The following TMEM40 variants were observed in gnomAD, a reference collection of about 807,000 sequenced individuals.
The protein encoded by TMEM40 is transmembrane protein 40.
Under a neutral mutation model 40.8 loss-of-function variants are expected in TMEM40, and 34 were observed. That is an observed-to-expected ratio of 0.83 (90% CI 0.63 to 1.11). The LOEUF is 1.11. Among genes scored for constraint, TMEM40 ranks in the 50% least tolerant of loss-of-function variants. The pLI is 0.00. For synonymous variants in TMEM40, 106 were observed against 107.0 expected, an observed-to-expected ratio of 0.99 and a Z score of 0.06; for missense variants, 296 against 280.2, an observed-to-expected ratio of 1.06 and a Z score of -0.40.
At chr3:12,762,298 C>T (rs908875684), upstream of TMEM40, among the ~76,000 whole-genome samples, 2 of 152,168 alleles carry the variant, frequency 1.3e-5, no homozygotes, top group African/African-American at 4.8e-5. Flanking sequence ...TTAGTGTCAC[C>T]TGCTTCGTTT....
chr3:12,736,463 A>G, intron 10 of TMEM40, 115 bp downstream of exon 10: 1 of 1,356,790 alleles, frequency 7.4e-7, no homozygotes, highest in Non-Finnish European at 1.0e-6. Context: ...AAATTTTTTT[A>G]AAAGTGTAGA....
intron 3 of TMEM40, among the ~76,000 whole-genome samples, chr3:12,745,009 A>G (rs2061415787): frequency 6.6e-6 from 1 of 152,218 alleles, no homozygotes; most frequent in African/African-American, 2.4e-5. Context: ...TTATTGCTAA[A>G]AAGATAATGC....
chr3:12,740,245 A>T (rs1438789621), intron 5 of TMEM40, among the ~76,000 whole-genome samples: 2 of 151,222 alleles, frequency 1.3e-5, no homozygotes, highest in Non-Finnish European at 2.9e-5. Context: ...GGGTGCCACC[A>T]CACCTGGCTA....
chr3:12,759,974 A>G (rs1176571653), upstream of TMEM40, among the ~76,000 whole-genome samples: 6 of 14,218 alleles, frequency 4.2e-4, no homozygotes, highest in African/African-American at 2.1e-3. Flanking sequence ...TTGGAGGGAA[A>G]CAGGCAAGGC....
At chr3:12,753,696 C>T (rs1382849565) in intron 1 of TMEM40, among the ~76,000 whole-genome samples, 1 of 152,122 alleles carries the variant, frequency 6.6e-6, no homozygotes, top group Non-Finnish European at 1.5e-5. Flanking sequence ...CTCAGGTGGC[C>T]CCCACATCCA....
upstream of TMEM40, among the ~76,000 whole-genome samples, chr3:12,763,288 TC>T (rs1228305263): frequency 6.6e-6 from 1 of 152,038 alleles, no homozygotes; most frequent in African/African-American, 2.4e-5. Context: ...AGCCTTAGTT[TC>T]CCTCTTTGCA....
intron 11 of TMEM40, among the ~76,000 whole-genome samples, 186 bp from the exon 12 acceptor site, chr3:12,734,979 G>A (rs2061327359): frequency 6.6e-6 from 1 of 152,202 alleles, no homozygotes. Context: ...TGGATTAAAG[G>A]AGACAGATAT....
upstream of TMEM40, among the ~76,000 whole-genome samples, chr3:12,763,580 T>C (rs2061582118): frequency 1.3e-5 from 2 of 152,140 alleles, no homozygotes; most frequent in African/African-American, 2.4e-5. Context: ...ATTCCAGAAC[T>C]GCAAGCGGGG....
intron 5 of TMEM40, among the ~76,000 whole-genome samples, chr3:12,742,207 G>A (rs1201204556): frequency 6.6e-6 from 1 of 152,144 alleles, no homozygotes; most frequent in Non-Finnish European, 1.5e-5. Flanking sequence ...TCCAGCCTGG[G>A]CGACAGAGTG....
intron 5 of TMEM40, chr3:12,738,919 C>T (rs2106607411): frequency 3.5e-6 from 1 of 289,456 alleles, no homozygotes; most frequent in Non-Finnish European, 6.8e-6. Flanking sequence ...CTTTGGGAGG[C>T]CAAGGTGGGC....
intron 1 of TMEM40, among the ~76,000 whole-genome samples, chr3:12,753,690 GGTGGCCC>G (rs1168139703): frequency 6.6e-6 from 1 of 152,196 alleles, no homozygotes; most frequent in African/African-American, 2.4e-5. Context: ...CACCAACTCA[GGTGGCCC>G]CCACATCCAA....
intron 11 of TMEM40, among the ~76,000 whole-genome samples, chr3:12,735,035 C>G (rs950578982): frequency 6.6e-6 from 1 of 152,190 alleles, no homozygotes; most frequent in Non-Finnish European, 1.5e-5. Flanking sequence ...CATTCTGAGG[C>G]ATAAGGTGGT....
intron 2 of TMEM40, among the ~76,000 whole-genome samples, chr3:12,749,094 G>A (rs1349054966): frequency 7.3e-5 from 11 of 151,640 alleles, no homozygotes; most frequent in African/African-American, 1.7e-4. Context: ...ACGCTATCTC[G>A]GCTCACTGCA....
At position 12,742,468 on chromosome 3, in the gene TMEM40, A is replaced by G. The variant is rs369888905; in HGVS notation, c.341T>C (p.Leu114Pro). The change falls in exon 5 of 12, where the codon CTT (leucine) becomes CCT (proline). Residue 114 changes from leucine to proline, a missense_variant. Physicochemically the swap from Leu to Pro is moderately conservative, Grantham distance 98. Coordinates refer to ENST00000314124, the MANE Select transcript of TMEM40 (RefSeq NM_018306.4). ...HGEPDVLKDE[L>P]QLYGDAPGEV... is the part of the protein sequence containing the mutation. ...CAACTGATTACCTCCATAGAGTTGA[A>G]GCTCATCCTTCAAAACGTCAGGCTC... is the stretch of plus-strand genomic sequence containing the variant. The G allele has an allele frequency of 1.1e-5, 18 of 1,613,932 alleles. No individual in the cohort carries two copies. The African/African-American group carries it at 2.3e-4, about 20-fold the overall frequency.
In TMEM40 at chr3:12,764,894, C is replaced by G. The variant is rs543375594; in HGVS notation, c.-9+4357G>C. 2.1e-4 allele frequency among the ~76,000 whole-genome samples: 32 copies of G among 152,014 alleles called. No homozygotes were observed. The East Asian group carries it at 6.0e-3, about 28-fold the overall frequency. ...TTTTGTTTTTTGTTTTTTTTTGAGA[C>G]AGAGTCTCACTCTATTGCCCAGGGT... On this transcript the variant is annotated intron_variant, in intron 1 of 11. Coordinates refer to the TMEM40 transcript ENST00000264728.
At chr3:12,736,906 T>C in intron 8 of TMEM40, 71 bp from the exon 9 acceptor site, 1 of 1,586,192 alleles carries the variant, frequency 6.3e-7, no homozygotes, top group Non-Finnish European at 8.7e-7. Context: ...GGAGACAAGG[T>C]CTTGCTCTGT....
rs1408586376 is a variant in TMEM40, at chr3:12,737,704, T to C, written c.472+3A>G. Reference sequence around the variant, plus strand: ...AGCAGCTCTGCTACACCAAGTTCCTTACCATCTTTCTTTATATTCAGTCTT... The same window carrying C: ...AGCAGCTCTGCTACACCAAGTTCCTCACCATCTTTCTTTATATTCAGTCTT... On this transcript the variant is annotated splice_donor_region_variant and intron_variant, in intron 8 of 11. Transcript: ENST00000314124. 4 of 1,614,028 alleles carry C rather than the reference T, an allele frequency of 2.5e-6. No homozygotes were observed. In the East Asian group the frequency reaches 6.7e-5, roughly 27 times the overall value.
Position 12,734,336 on chromosome 3 carries a change from C to T in TMEM40, c.*438G>A, listed in dbSNP as rs756928391. On this transcript the variant is annotated 3_prime_UTR_variant, in exon 12 of 12. Transcript: ENST00000314124. ...GGGCCCCAGCCCGATGGCTCCCTGCCTCAAAGCAGTGGACCATCCATCTCT... is the reference window on the plus strand; with the variant it reads ...GGGCCCCAGCCCGATGGCTCCCTGCTTCAAAGCAGTGGACCATCCATCTCT... 1 of 163,080 alleles carries T rather than the reference C, an allele frequency of 6.1e-6. No homozygotes were observed. Among genetic ancestry groups the T allele is most frequent in the Non-Finnish European group, 1.3e-5 (1 of 75,650 alleles). 10.1% of individuals were successfully genotyped at this position (163,080 alleles called of 1,614,324 possible).
At chr3:12,765,790 C>T (rs1167055251) in intron 1 of TMEM40, among the ~76,000 whole-genome samples, 1 of 151,908 alleles carries the variant, frequency 6.6e-6, no homozygotes, top group Admixed American at 6.6e-5. Context: ...AGAATGGTCT[C>T]GATCTCCTGA....
Sources: gnomAD v4.1 joint callset for allele counts (sites outside exome capture counted in the v4.1 genomes callset) on GRCh38, gnomAD v4.1.1 for gene constraint, MANE v1.5 for transcripts, NCBI Gene and HGNC (gene_info 2026-07-23, HGNC 2026-07-21) for gene names.